Variants in PLXNA2 observed in about 807,000 individuals in gnomAD.
PLXNA2 encodes the protein plexin-A2.
In PLXNA2, 91 loss-of-function variants were observed where a neutral mutation model predicts 193.5. The observed-to-expected ratio is 0.47, with a 90% CI of 0.40 to 0.56. The LOEUF (loss-of-function observed/expected upper bound fraction) is 0.56, where lower values mean the gene tolerates loss of function less well. Ranked by LOEUF, PLXNA2 falls within the 20% of genes least tolerant of loss-of-function variation. The probability of loss-of-function intolerance (pLI) is 0.00; values close to 1 mark genes in which losing one functional copy is unlikely to be tolerated. For missense variants in PLXNA2, 1,995 were observed against 2,503.2 expected (o/e 0.80, Z 4.33); for synonymous variants, 997 against 1,027.3 (o/e 0.97, Z 0.56).
At position 208,082,706 on chromosome 1, in the gene PLXNA2, C is replaced by T. The variant is rs969081565; in HGVS notation, c.2299-198G>A. Among the ~76,000 whole-genome samples, 2 of 152,174 alleles carry T rather than the reference C, an allele frequency of 1.3e-5. No individual in the cohort carries two copies. The highest frequency in any genetic ancestry group is 2.9e-5 in the Non-Finnish European group (2 of 68,016). On this transcript the variant is annotated intron_variant, in intron 10 of 31. Coordinates refer to ENST00000367033, the MANE Select transcript of PLXNA2 (RefSeq NM_025179.4). This position sits in a 1 kb window ranked among gnomAD's most constrained non-coding sequence, Gnocchi z 4.2. ...TGCATAATCGGATGCAAACTGACTC[C>T]TCCAGCTTTCTCCTCCACTGCTCTC...
chr1:208,060,684 ACT>A lies in PLXNA2; in HGVS notation c.2738_2738+1del. 6.2e-7 allele frequency: 1 copy of A among 1,611,408 alleles called. No individual in the cohort carries two copies. Among genetic ancestry groups the A allele is most frequent in the Non-Finnish European group, 8.5e-7 (1 of 1,178,416 alleles). On this transcript the variant is annotated splice_donor_variant and coding_sequence_variant, in exon 13 of 32. Coordinates refer to ENST00000367033, the MANE Select transcript of PLXNA2 (RefSeq NM_025179.4). LOFTEE classifies it high-confidence loss of function. ...GAAAAGGGCTGGCCAGGGCGGACTC[ACT>A]GCTCAGCGATGATGTATTCCCCTGG...
chr1:208,105,330 G>T (rs1314084643), intron 4 of PLXNA2, among the ~76,000 whole-genome samples: 1 of 152,212 alleles, frequency 6.6e-6, no homozygotes, highest in African/African-American at 2.4e-5. Flanking sequence ...TCATGCAACC[G>T]CCTGGCTTTC....
chr1:208,185,215 C>A (rs998283631), intron 3 of PLXNA2, among the ~76,000 whole-genome samples: 3 of 152,148 alleles, frequency 2.0e-5, no homozygotes, highest in African/African-American at 7.2e-5. Flanking sequence ...GTTAAGGAGG[C>A]CCTCTCAGTC....
intron 3 of PLXNA2, among the ~76,000 whole-genome samples, chr1:208,195,456 T>A (rs1257340739): frequency 6.6e-6 from 1 of 152,124 alleles, no homozygotes; most frequent in Non-Finnish European, 1.5e-5. Context: ...TCCACCAAGC[T>A]TATCCCACCC....
Position 208,038,448 on chromosome 1 carries a change from C to A in PLXNA2, c.4687G>T (p.Val1563Phe), listed in dbSNP as rs1664744418. 1 of 1,614,012 alleles carries A rather than the reference C, an allele frequency of 6.2e-7. No homozygotes were observed. The highest frequency in any genetic ancestry group is 8.5e-7 in the Non-Finnish European group (1 of 1,180,006). ...LEWRQGRIAR[V>F]VLQDEDITTK... Reference sequence around the variant, plus strand: ...GTGATGTCCTCATCTTGCAGCACGACCCGGGCGATCCGGCCTTGGCGCCAC... The same window carrying A: ...GTGATGTCCTCATCTTGCAGCACGAACCGGGCGATCCGGCCTTGGCGCCAC... Residue 1563 changes from valine to phenylalanine, a missense_variant, in exon 26 of 32, where the codon GTC becomes TTC. This residue lies in a region of PLXNA2 where 1,291 missense variants were observed against 1,673.6 expected (regional missense o/e 0.77). Transcript: ENST00000367033. The surrounding 1 kb of genome is among the most constrained non-coding windows in gnomAD (Gnocchi z 4.1).
intron 3 of PLXNA2, among the ~76,000 whole-genome samples, chr1:208,170,180 CG>C (rs1558227065): frequency 1.3e-5 from 2 of 152,264 alleles, no homozygotes; most frequent in African/African-American, 4.8e-5. Flanking sequence ...ATTTTCTTTC[CG>C]CTAATAACTT....
intron 2 of PLXNA2, among the ~76,000 whole-genome samples, chr1:208,212,562 C>G (rs1670996802): frequency 6.6e-6 from 1 of 152,192 alleles, no homozygotes; most frequent in African/African-American, 2.4e-5. Flanking sequence ...TAGGGAATAA[C>G]TGTGCATTCA....
At chr1:208,215,106 A>G (rs6684168) in intron 2 of PLXNA2, among the ~76,000 whole-genome samples, 100,842 of 151,758 alleles carry the variant, frequency 0.66, 33,586 homozygotes, top group Middle Eastern at 0.73. Context: ...TCCACCTCCC[A>G]TGCTCAGGCC....
intron 23 of PLXNA2, 107 bp downstream of exon 23, chr1:208,039,885 G>A (rs549390996): frequency 6.0e-4 from 949 of 1,581,692 alleles, no homozygotes; most frequent in Non-Finnish European, 7.6e-4. Flanking sequence ...GCCAGTCCAG[G>A]TTCCTGCTCC....
At position 208,028,094 on chromosome 1, in the gene PLXNA2, T is replaced by C. The variant is rs970655950; in HGVS notation, c.5504A>G (p.Glu1835Gly). ...CTCCACGGCGTGCAGGCGGGACTGC[T>C]CGGCGAGGTAGGCATTCATGTCCTG... ...SDQDMNAYLAEQSRLHAVEFN... is the reference protein window; with the variant it reads ...SDQDMNAYLAGQSRLHAVEFN... Residue 1835 changes from glutamate (E) to glycine (G), a missense_variant, in exon 31 of 32, where the codon GAG (glutamate) becomes GGG (glycine). This residue lies in a region of PLXNA2 where 1,291 missense variants were observed against 1,673.6 expected (regional missense o/e 0.77). Transcript: ENST00000367033. This position sits in a 1 kb window ranked among gnomAD's most constrained non-coding sequence, Gnocchi z 4.2. 2 of 1,613,384 alleles carry C rather than the reference T, an allele frequency of 1.2e-6. No individual in the cohort carries two copies. Among genetic ancestry groups the C allele is most frequent in the African/African-American group, 2.7e-5 (2 of 74,886 alleles).
intron 12 of PLXNA2, among the ~76,000 whole-genome samples, chr1:208,064,481 C>T (rs549115049): frequency 3.9e-5 from 6 of 152,328 alleles, no homozygotes; most frequent in African/African-American, 1.2e-4. Context: ...CCTGCCCTAT[C>T]GGTGGTTCCT....
At chr1:208,178,809 A>C (rs1352969214) in intron 3 of PLXNA2, among the ~76,000 whole-genome samples, 6 of 152,250 alleles carry the variant, frequency 3.9e-5, no homozygotes, top group Admixed American at 2.6e-4. Flanking sequence ...GCATTTGGAA[A>C]ATACAAATTC....
At chr1:208,154,593 T>C (rs931737050) in intron 3 of PLXNA2, among the ~76,000 whole-genome samples, 2 of 152,092 alleles carry the variant, frequency 1.3e-5, no homozygotes, top group African/African-American at 4.8e-5. Context: ...TTAAAAAAAT[T>C]CTCCCCTCTC....
At chr1:208,171,927 GA>G (rs1669507144) in intron 3 of PLXNA2, among the ~76,000 whole-genome samples, 1 of 150,730 alleles carries the variant, frequency 6.6e-6, no homozygotes, top group Non-Finnish European at 1.5e-5. Flanking sequence ...ATTAATTTAA[GA>G]AAATGCATAT....
At position 208,217,402 on chromosome 1, in the gene PLXNA2, C is replaced by A; in HGVS notation, c.521G>T (p.Arg174Leu). 1.2e-6 allele frequency: 2 copies of A among 1,614,174 alleles called. No individual in the cohort carries two copies. The highest frequency in any genetic ancestry group is 2.2e-5 in the South Asian group (2 of 91,078). Residue 174 changes from arginine (R) to leucine (L), a missense_variant, in exon 2 of 32, where the codon CGC becomes CTC. Arg to Leu is a moderately radical substitution (Grantham distance 102). Around this residue, in one of 3 missense-constraint regions of PLXNA2, gnomAD observed 702 missense variants for 812.9 expected, o/e 0.86. Transcript: ENST00000367033. The surrounding 1 kb of genome is among the most constrained non-coding windows in gnomAD (Gnocchi z 4.7). ...KTGTMYGVIV[R>L]SEGEDGKLFI... ...GAGCTTGCCATCCTCACCCTCAGAG[C>A]GCACAATCACCCCGTACATGGTGCC...
At chr1:208,199,044 C>A (rs1269686196) in intron 3 of PLXNA2, among the ~76,000 whole-genome samples, 1 of 152,252 alleles carries the variant, frequency 6.6e-6, no homozygotes, top group African/African-American at 2.4e-5. Flanking sequence ...TATAGTGGAT[C>A]TTTTAGGCCT....
intron 3 of PLXNA2, among the ~76,000 whole-genome samples, chr1:208,176,416 C>T (rs2102539237): frequency 6.6e-6 from 1 of 152,260 alleles, no homozygotes; most frequent in South Asian, 2.1e-4. Flanking sequence ...AACAACATTG[C>T]TACAGATTTT....
At chr1:208,121,082 C>G (rs545389803) in intron 4 of PLXNA2, among the ~76,000 whole-genome samples, 7 of 152,292 alleles carry the variant, frequency 4.6e-5, no homozygotes, top group African/African-American at 1.7e-4. Context: ...TAAAACAAAT[C>G]TAATCCTCCC....
chr1:208,172,386 C>T (rs1372673182), intron 3 of PLXNA2, among the ~76,000 whole-genome samples: 2 of 152,096 alleles, frequency 1.3e-5, no homozygotes, highest in East Asian at 3.9e-4. Flanking sequence ...TAGCTCTCTA[C>T]TTTGACATTG....
Sources: gnomAD v4.1 joint callset for allele counts (sites outside exome capture counted in the v4.1 genomes callset) on GRCh38, gnomAD v4.1.1 for gene constraint, gnomAD v4.1.1 regional missense constraint, Gnocchi (gnomAD v3.1) non-coding constraint, MANE v1.5 for transcripts, NCBI Gene and HGNC (gene_info 2026-07-23, HGNC 2026-07-21) for gene names.